SGMS1: variants seen among roughly 807,000 people sequenced by gnomAD.
SGMS1 encodes the protein phosphatidylcholine:ceramide cholinephosphotransferase 1.
In SGMS1, 13 loss-of-function variants were observed where a neutral mutation model predicts 46.2. The ratio of observed to expected loss-of-function variants is 0.28; its 90% confidence interval spans 0.18 to 0.45. The LOEUF (loss-of-function observed/expected upper bound fraction) is 0.45. Among genes scored for constraint, SGMS1 ranks in the 20% least tolerant of loss-of-function variants. SGMS1 has a pLI of 1.00. For synonymous variants in SGMS1, 203 were observed against 187.8 expected, an observed-to-expected ratio of 1.08 and a Z score of -0.66; for missense variants, 324 against 519.9, an observed-to-expected ratio of 0.62 and a Z score of 3.66.
chr10:50,403,511 CTTCT>C (rs1315268878), intron 6 of SGMS1, among the ~76,000 whole-genome samples: 2 of 152,188 alleles, frequency 1.3e-5, no homozygotes, highest in African/African-American at 2.4e-5. Context: ...TGCTCTTGCT[CTTCT>C]TTGTCTTCAT....
chr10:50,529,077 C>T (rs1837929889), intron 2 of SGMS1, among the ~76,000 whole-genome samples: 1 of 152,180 alleles, frequency 6.6e-6, no homozygotes. Context: ...ACATCAATGG[C>T]ATTAGACAGG....
At chr10:50,620,285 T>C (rs1838837258) in intron 1 of SGMS1, among the ~76,000 whole-genome samples, 1 of 152,210 alleles carries the variant, frequency 6.6e-6, no homozygotes, top group Non-Finnish European at 1.5e-5. Context: ...GGGATGCTCT[T>C]AGAGAGGAGA....
chr10:50,397,167 C>T (rs1228659799), intron 6 of SGMS1, among the ~76,000 whole-genome samples: 2 of 152,150 alleles, frequency 1.3e-5, no homozygotes, highest in African/African-American at 2.4e-5. Context: ...AGAACTTGTA[C>T]ATTCTTTGCA....
At chr10:50,319,894 C>T (rs937945122) in intron 8 of SGMS1, among the ~76,000 whole-genome samples, 7 of 152,120 alleles carry the variant, frequency 4.6e-5, no homozygotes, top group East Asian at 1.9e-4. Context: ...ATATTATGAT[C>T]GCCAACCTTT....
intron 2 of SGMS1, among the ~76,000 whole-genome samples, chr10:50,580,816 A>C (rs1838426463): frequency 6.6e-6 from 1 of 152,234 alleles, no homozygotes; most frequent in Admixed American, 6.5e-5. Flanking sequence ...CAGATTTGCA[A>C]GGTGAAAAAG....
At chr10:50,577,525 A>G (rs1838396112) in intron 2 of SGMS1, among the ~76,000 whole-genome samples, 1 of 152,142 alleles carries the variant, frequency 6.6e-6, no homozygotes, top group Non-Finnish European at 1.5e-5. Flanking sequence ...AACCCAACAA[A>G]CAACCAGGCA....
chr10:50,363,840 C>T (rs533490785), intron 6 of SGMS1, among the ~76,000 whole-genome samples: 6 of 152,086 alleles, frequency 3.9e-5, no homozygotes, highest in African/African-American at 1.4e-4. Flanking sequence ...TTTGTGCCTA[C>T]TTTAAAATAT....
chr10:50,543,890 G>A (rs1271104229), intron 2 of SGMS1, among the ~76,000 whole-genome samples: 1 of 152,036 alleles, frequency 6.6e-6, no homozygotes, highest in East Asian at 1.9e-4. Context: ...TCACTCAGGG[G>A]ACAGAAAATT....
At chr10:50,344,770 G>A (rs941241549) in intron 6 of SGMS1, among the ~76,000 whole-genome samples, 6 of 151,916 alleles carry the variant, frequency 3.9e-5, no homozygotes, top group Admixed American at 3.9e-4. Context: ...TCCTGCCCAG[G>A]CTGAGGCAGG....
intron 2 of SGMS1, among the ~76,000 whole-genome samples, chr10:50,536,277 G>A (rs1364655438): frequency 1.3e-5 from 2 of 152,062 alleles, no homozygotes; most frequent in Non-Finnish European, 2.9e-5. Flanking sequence ...AGGCTGCAGT[G>A]AGCTGTGATT....
intron 6 of SGMS1, among the ~76,000 whole-genome samples, chr10:50,422,213 G>A (rs1018334945): frequency 2.0e-5 from 3 of 152,080 alleles, no homozygotes; most frequent in Non-Finnish European, 4.4e-5. Flanking sequence ...TGAGGTAGAC[G>A]TGTTTCCGAG....
intron 2 of SGMS1, among the ~76,000 whole-genome samples, chr10:50,554,303 C>T (rs1300265794): frequency 2.6e-5 from 4 of 152,196 alleles, no homozygotes; most frequent in African/African-American, 9.7e-5. Flanking sequence ...TCCGGTCTGT[C>T]AGTCAGGGAA....
intron 2 of SGMS1, among the ~76,000 whole-genome samples, chr10:50,550,659 C>T (rs1564429721): frequency 6.6e-6 from 1 of 152,182 alleles, no homozygotes; most frequent in African/African-American, 2.4e-5. Flanking sequence ...AATACACCTG[C>T]TTCTCTGACC....
chr10:50,553,589 T>C (rs1838166990), intron 2 of SGMS1, among the ~76,000 whole-genome samples: 1 of 152,240 alleles, frequency 6.6e-6, no homozygotes, highest in Non-Finnish European at 1.5e-5. Context: ...ACCCAATTTC[T>C]AGCTTGGGGC....
Position 50,587,626 on chromosome 10 carries a change from A to AATAT in SGMS1, c.-589+2523_-589+2526dup, listed in dbSNP as rs67652314. On this transcript the variant is annotated intron_variant, in intron 2 of 10. Transcript: ENST00000361781. ...GCAACAGAGCAAGACTGCATCTCAA[A>AATAT]ATATATATGTGTGTGTGTGTGTGTG... Among the ~76,000 whole-genome samples the AATAT allele has an allele frequency of 6.4e-4, 55 of 85,808 alleles. 2 individuals carry two copies. In the Middle Eastern group the frequency reaches 0.022, roughly 34 times the overall value. The allele number at this position is 85,808 out of a possible 152,430, so 56.3% of individuals were successfully genotyped here. A position where few individuals can be genotyped will look rare whatever the true frequency, so the allele number is the denominator to read the frequency against.
chr10:50,432,350 T>A (rs1849413839), intron 6 of SGMS1, among the ~76,000 whole-genome samples: 1 of 152,208 alleles, frequency 6.6e-6, no homozygotes, highest in African/African-American at 2.4e-5. Flanking sequence ...AGCATGCTCT[T>A]GAGGTGATTT....
intron 7 of SGMS1, 103 bp downstream of exon 7, chr10:50,343,389 T>C (rs1242626708): frequency 4.6e-6 from 6 of 1,306,590 alleles, no homozygotes; most frequent in Non-Finnish European, 5.1e-6. Context: ...AAATAGTATG[T>C]TTTGATCCCA....
At chr10:50,449,340 T>C (rs1461813698) in intron 5 of SGMS1, among the ~76,000 whole-genome samples, 1 of 152,176 alleles carries the variant, frequency 6.6e-6, no homozygotes, top group Non-Finnish European at 1.5e-5. Context: ...AGATGAACAA[T>C]GATTTCCTTT....
chr10:50,508,082 G>A (rs1469434641), intron 3 of SGMS1, among the ~76,000 whole-genome samples: 2 of 152,176 alleles, frequency 1.3e-5, no homozygotes, highest in South Asian at 2.1e-4. Context: ...ACCACCTCAA[G>A]CAATGTATGG....
Sources: gnomAD v4.1 joint callset for allele counts (sites outside exome capture counted in the v4.1 genomes callset) on GRCh38, gnomAD v4.1.1 for gene constraint, MANE v1.5 for transcripts, NCBI Gene and HGNC (gene_info 2026-07-23, HGNC 2026-07-21) for gene names.